SAMD5: variants seen among roughly 807,000 people sequenced by gnomAD.
SAMD5 encodes the protein sterile alpha motif domain-containing protein 5.
SAMD5 carries 13 observed loss-of-function variants against 11.3 expected under a neutral mutation model. That is an observed-to-expected ratio of 1.15 (90% CI 0.75 to 1.83). SAMD5 has a LOEUF of 1.83. SAMD5 is among the 40% of genes most tolerant of loss of function. The pLI is 0.00. For synonymous variants in SAMD5, 129 were observed against 111.3 expected, an observed-to-expected ratio of 1.16 and a Z score of -1.00; for missense variants, 255 against 239.1, an observed-to-expected ratio of 1.07 and a Z score of -0.44.
chr6:147,565,687 T>G lies in SAMD5; in HGVS notation c.*1231T>G. 3 of 788,984 alleles carry G rather than the reference T, an allele frequency of 3.8e-6. No homozygotes were observed. Among genetic ancestry groups the G allele is most frequent in the Non-Finnish European group, 4.6e-6 (3 of 650,972 alleles). 48.9% of individuals were successfully genotyped at this position (788,984 alleles called of 1,614,324 possible). On this transcript the variant is annotated 3_prime_UTR_variant, in exon 2 of 2. Coordinates refer to ENST00000367474, the MANE Select transcript of SAMD5 (RefSeq NM_001030060.3). ...GTTGGCCAGGCTGTTCTTGAACTCC[T>G]GGCCTCAAATGATCCACTCGCCGTG...
At position 147,634,186 on chromosome 6, in the gene SAMD5, G is replaced by A. The variant is rs764454215; in HGVS notation, c.163-103131G>A. Among the ~76,000 whole-genome samples, 11 of 152,318 alleles carry A rather than the reference G, an allele frequency of 7.2e-5. No homozygotes were observed. In the East Asian group the frequency reaches 1.3e-3, roughly 19 times the overall value. On this transcript the variant is annotated intron_variant, in intron 1 of 1. Coordinates refer to the SAMD5 transcript ENST00000566741. ...AAAGAACTACCTGAGACTGGGTAAC[G>A]TATAAAGAAAAGAGGTTTATTGACT...
the SAMD5 span, among the ~76,000 whole-genome samples, chr6:147,797,319 A>G: frequency 2.1e-5 from 3 of 143,558 alleles, no homozygotes; most frequent in Non-Finnish European, 4.5e-5. Flanking sequence ...GCATCTATTG[A>G]GATAATCATG....
rs577438350 is a variant in SAMD5, at chr6:147,734,341, A to G, written c.163-2976A>G. ...AAACTGACTTTACATTGACTCAGGGATCTAAGACAAAGCAGATAGTGTGTT... is the reference window on the plus strand; with the variant it reads ...AAACTGACTTTACATTGACTCAGGGGTCTAAGACAAAGCAGATAGTGTGTT... On this transcript the variant is annotated intron_variant, in intron 1 of 1. Transcript: ENST00000566741. Among the ~76,000 whole-genome samples the G allele has an allele frequency of 2.4e-4, 37 of 152,222 alleles. No homozygotes were observed. The South Asian group carries it at 7.3e-3, about 30-fold the overall frequency.
At chr6:147,800,968 A>T in the SAMD5 span, among the ~76,000 whole-genome samples, 1 of 152,078 alleles carries the variant, frequency 6.6e-6, no homozygotes, top group Non-Finnish European at 1.5e-5. Context: ...CCTATAACCT[A>T]TTTTTATTAT....
At chr6:147,768,433 G>A in the SAMD5 span, among the ~76,000 whole-genome samples, 1 of 152,154 alleles carries the variant, frequency 6.6e-6, no homozygotes, top group Non-Finnish European at 1.5e-5. Context: ...GGGAGGCGGA[G>A]GTTGCAGTGA....
chr6:147,934,894 G>T, the SAMD5 span, among the ~76,000 whole-genome samples: 3 of 152,106 alleles, frequency 2.0e-5, no homozygotes, highest in African/African-American at 4.8e-5. Context: ...GAACAAGTGG[G>T]CCAAATTGCA....
At chr6:147,703,735 C>T (rs1216015505) in intron 1 of SAMD5, among the ~76,000 whole-genome samples, 2 of 152,124 alleles carry the variant, frequency 1.3e-5, no homozygotes, top group African/African-American at 2.4e-5. Context: ...AGAGTAAGTA[C>T]ATTCCATGTG....
At chr6:147,811,905 T>TGAGCTAGAGACAGAAATCC in the SAMD5 span, among the ~76,000 whole-genome samples, 1 of 152,122 alleles carries the variant, frequency 6.6e-6, no homozygotes. Context: ...AACAGAAATC[T>TGAGCTAGAGACAGAAATCC]GAGCTAGAGA....
chr6:147,669,122 C>T (rs1240242763), intron 1 of SAMD5, among the ~76,000 whole-genome samples: 2 of 152,026 alleles, frequency 1.3e-5, no homozygotes, highest in African/African-American at 4.8e-5. Flanking sequence ...ATGGACTCTT[C>T]CTTTCGTGAA....
the SAMD5 span, among the ~76,000 whole-genome samples, chr6:147,844,427 A>G: frequency 1.3e-5 from 2 of 152,108 alleles, no homozygotes; most frequent in Non-Finnish European, 2.9e-5. Flanking sequence ...TTGGAAACCT[A>G]AGAAAATTCC....
chr6:147,672,769 C>A (rs2128455646), intron 1 of SAMD5, among the ~76,000 whole-genome samples: 1 of 152,018 alleles, frequency 6.6e-6, no homozygotes, highest in Admixed American at 6.6e-5. Flanking sequence ...GGTATTTCAT[C>A]ATTTATTGAT....
intron 1 of SAMD5, among the ~76,000 whole-genome samples, chr6:147,588,084 A>T (rs1228193144): frequency 6.6e-6 from 1 of 152,112 alleles, no homozygotes; most frequent in East Asian, 1.9e-4. Context: ...CAAATAAATT[A>T]AGGGGAAACA....
Position 147,567,919 on chromosome 6 carries a change from TCAAAACAAAA to T in SAMD5, c.*3481_*3490del, listed in dbSNP as rs953050338. The T allele has an allele frequency of 5.4e-4, 532 of 986,084 alleles. No homozygotes were observed. Among genetic ancestry groups the T allele is most frequent in the Non-Finnish European group, 6.0e-4 (502 of 830,538 alleles). The allele number at this position is 986,084 out of a possible 1,614,324, so 61.1% of individuals were successfully genotyped here. ...CTGGGCAACAGAGCAAGATCCCGTC[TCAAAACAAAA>T]CAAAACAAAACAAAACAGCAAATTC... On this transcript the variant is annotated 3_prime_UTR_variant, in exon 2 of 2. Transcript: ENST00000367474.
chr6:147,884,279 G>A, the SAMD5 span, among the ~76,000 whole-genome samples: 18,321 of 152,124 alleles, frequency 0.12, 1,368 homozygotes, highest in East Asian at 0.3. Flanking sequence ...AAGGTGGAAC[G>A]GAGATTGATG....
chr6:147,783,560 A>AT, the SAMD5 span, among the ~76,000 whole-genome samples: 1 of 151,532 alleles, frequency 6.6e-6, no homozygotes, highest in Non-Finnish European at 1.5e-5. Context: ...CGCCTGGCTA[A>AT]TTTTTTTGTT....
chr6:147,538,627 C>T (rs1788551651), intron 1 of SAMD5, among the ~76,000 whole-genome samples: 1 of 152,176 alleles, frequency 6.6e-6, no homozygotes, highest in Non-Finnish European at 1.5e-5. Context: ...GCGGGCATAG[C>T]TCTTCGTATG....
chr6:147,541,229 C>A (rs930210292), intron 1 of SAMD5, among the ~76,000 whole-genome samples: 4 of 152,114 alleles, frequency 2.6e-5, no homozygotes, highest in Non-Finnish European at 5.9e-5. Flanking sequence ...GGATTACAGG[C>A]GTAAGCCACG....
At chr6:147,671,265 A>G (rs1790791872) in intron 1 of SAMD5, among the ~76,000 whole-genome samples, 1 of 152,198 alleles carries the variant, frequency 6.6e-6, no homozygotes, top group Non-Finnish European at 1.5e-5. Context: ...GGTATAATGA[A>G]AAGTTTGAAA....
At chr6:147,718,961 G>C (rs1791506056) in intron 1 of SAMD5, among the ~76,000 whole-genome samples, 1 of 152,224 alleles carries the variant, frequency 6.6e-6, no homozygotes, top group Non-Finnish European at 1.5e-5. Flanking sequence ...AAAGTGCTGG[G>C]ATTACAGGCG....
Sources: gnomAD v4.1 joint callset for allele counts (sites outside exome capture counted in the v4.1 genomes callset) on GRCh38, gnomAD v4.1.1 for gene constraint, MANE v1.5 for transcripts, NCBI Gene and HGNC (gene_info 2026-07-23, HGNC 2026-07-21) for gene names.